The following CELF4 variants were observed in gnomAD, a reference collection of about 807,000 sequenced individuals.
CELF4 encodes the protein CUGBP Elav-like family member 4, also known as CUG-BP- and ETR-3-like factor 4.
Under a neutral mutation model 59.9 loss-of-function variants are expected in CELF4, and 18 were observed. The ratio of observed to expected loss-of-function variants is 0.30; its 90% CI spans 0.21 to 0.45. The LOEUF (loss-of-function observed/expected upper bound fraction) is 0.45. Ranked by LOEUF, CELF4 falls within the 20% of genes least tolerant of loss-of-function variation. The pLI, the probability that CELF4 is intolerant of heterozygous loss-of-function variation, is 1.00. For synonymous variants in CELF4, 261 were observed against 267.1 expected (o/e 0.98, Z 0.22); for missense variants, 456 against 689.0 (o/e 0.66, Z 3.79).
At chr18:37,260,417 C>G (rs1237187050) in intron 10 of CELF4, among the ~76,000 whole-genome samples, 1 of 152,202 alleles carries the variant, frequency 6.6e-6, no homozygotes, top group Non-Finnish European at 1.5e-5. Context: ...GACTTGTGGT[C>G]ATTTCAATGA....
intron 2 of CELF4, among the ~76,000 whole-genome samples, chr18:37,335,780 C>T (rs1326139635): frequency 6.6e-6 from 1 of 152,090 alleles, no homozygotes; most frequent in Non-Finnish European, 1.5e-5. Context: ...TCTCTTCAAC[C>T]TTCACTCCCT....
chr18:37,535,788 A>G (rs1247208173), intron 1 of CELF4, among the ~76,000 whole-genome samples: 1 of 152,070 alleles, frequency 6.6e-6, no homozygotes, highest in Non-Finnish European at 1.5e-5. Flanking sequence ...CACAGTGTGG[A>G]GATCCCTACT....
chr18:37,244,251 A>G lies in CELF4; in HGVS notation c.*991T>C. On this transcript the variant is annotated 3_prime_UTR_variant, in exon 13 of 13. Transcript: ENST00000420428. Reference sequence around the variant, plus strand: ...TTCCTTTTTAAAATTCTGTACAACTATTATGATTTTAAGAGGGGGAAGAGT... The same window carrying G: ...TTCCTTTTTAAAATTCTGTACAACTGTTATGATTTTAAGAGGGGGAAGAGT... 6.7e-6 allele frequency: 1 copy of G among 149,288 alleles called. No individual in the cohort carries two copies. The highest frequency in any genetic ancestry group is 2.5e-5 in the African/African-American group (1 of 40,288). 9.2% of individuals were successfully genotyped at this position (149,288 alleles called of 1,614,324 possible).
At chr18:37,544,662 AGT>A (rs1405583554) in intron 1 of CELF4, among the ~76,000 whole-genome samples, 3 of 152,148 alleles carry the variant, frequency 2.0e-5, no homozygotes, top group Admixed American at 2.0e-4. Context: ...AGAATTTAAG[AGT>A]GTGAGATTGG....
intron 2 of CELF4, among the ~76,000 whole-genome samples, chr18:37,471,228 C>T (rs1401811329): frequency 1.3e-5 from 2 of 152,106 alleles, no homozygotes; most frequent in Non-Finnish European, 2.9e-5. Context: ...GAGGCAGGCT[C>T]TCCACTGGCC....
At chr18:37,338,794 G>GTGTGTGT (rs1557282748) in intron 2 of CELF4, among the ~76,000 whole-genome samples, 22 of 103,690 alleles carry the variant, frequency 2.1e-4, no homozygotes, top group South Asian at 3.5e-4. Context: ...GTGTGTGTGT[G>GTGTGTGT]GTGTGTGTGA....
intron 1 of CELF4, among the ~76,000 whole-genome samples, chr18:37,531,677 G>A (rs1255925949): frequency 1.3e-5 from 2 of 152,228 alleles, no homozygotes; most frequent in Non-Finnish European, 2.9e-5. Flanking sequence ...TTGGAGGTGA[G>A]AAGTTTGGGA....
At chr18:37,521,648 G>A (rs572112007) in intron 1 of CELF4, among the ~76,000 whole-genome samples, 2 of 152,156 alleles carry the variant, frequency 1.3e-5, no homozygotes, top group African/African-American at 2.4e-5. Context: ...GATGCACCAC[G>A]GCCCTCTGAA....
At chr18:37,357,729 C>T (rs2098621573) in intron 2 of CELF4, among the ~76,000 whole-genome samples, 1 of 152,216 alleles carries the variant, frequency 6.6e-6, no homozygotes, top group African/African-American at 2.4e-5. Flanking sequence ...CCTGCAAAGC[C>T]ACAGGGGTGG....
At chr18:37,255,531 C>T (rs958191728) in intron 11 of CELF4, among the ~76,000 whole-genome samples, 2 of 151,016 alleles carry the variant, frequency 1.3e-5, no homozygotes, top group Non-Finnish European at 2.9e-5. Flanking sequence ...CTGATCCATA[C>T]GAGATTCGCC....
At chr18:37,275,499 G>A (rs1002601665) in intron 3 of CELF4, 3 of 500,604 alleles carry the variant, frequency 6.0e-6, no homozygotes, top group African/African-American at 3.9e-5. Context: ...GTGGCAGGCA[G>A]GAGCTGGATC....
intron 2 of CELF4, among the ~76,000 whole-genome samples, chr18:37,361,813 C>T (rs571643677): frequency 4.0e-5 from 6 of 150,786 alleles, no homozygotes; most frequent in African/African-American, 1.5e-4. Flanking sequence ...AGCAACCTGG[C>T]CCATTAGAGC....
chr18:37,304,836 G>A (rs1279602048), intron 3 of CELF4, among the ~76,000 whole-genome samples: 4 of 152,174 alleles, frequency 2.6e-5, no homozygotes, highest in Non-Finnish European at 4.4e-5. Flanking sequence ...GTGGCTCTCC[G>A]CAAAAGGGAG....
At chr18:37,562,170 C>T (rs62081464) in intron 1 of CELF4, among the ~76,000 whole-genome samples, 33,007 of 151,990 alleles carry the variant, frequency 0.22, 3,862 homozygotes, top group South Asian at 0.32. Context: ...TGGGTTTGCT[C>T]CACAACACCC....
Position 37,429,364 on chromosome 18 carries a change from T to A in CELF4, c.369+56161A>T, listed in dbSNP as rs142555937. On this transcript the variant is annotated intron_variant, in intron 2 of 12. Coordinates refer to ENST00000420428, the MANE Select transcript of CELF4 (RefSeq NM_020180.4). ...TGTGCCTCTGTGTGTGCTCTGTATG[T>A]CTGTGTGCATTTTATCTGCCTCTTT... is the stretch of plus-strand genomic sequence containing the variant. 5.3e-5 allele frequency among the ~76,000 whole-genome samples: 8 copies of A among 152,210 alleles called. No individual in the cohort carries two copies. In the East Asian group the frequency reaches 1.5e-3, roughly 29 times the overall value.
At chr18:37,448,813 C>A (rs1000935603) in intron 2 of CELF4, among the ~76,000 whole-genome samples, 3 of 152,188 alleles carry the variant, frequency 2.0e-5, no homozygotes, top group Non-Finnish European at 2.9e-5. Context: ...GGTACTGGGA[C>A]CTTGCTCTTC....
intron 3 of CELF4, among the ~76,000 whole-genome samples, chr18:37,315,337 G>A (rs533559388): frequency 5.3e-5 from 8 of 152,230 alleles, no homozygotes; most frequent in African/African-American, 1.9e-4. Flanking sequence ...GCACGGGCAG[G>A]TGGCAGCCCC....
At chr18:37,446,356 G>A (rs1270459673) in intron 2 of CELF4, among the ~76,000 whole-genome samples, 1 of 152,162 alleles carries the variant, frequency 6.6e-6, no homozygotes, top group Non-Finnish European at 1.5e-5. Context: ...GCCAGGCCTG[G>A]GTGACCAATG....
rs71168258 is a variant in CELF4, at chr18:37,353,233, A to AAAATATATATATATATAT, written c.370-31353_370-31352insATATATATATATATATTT. Among the ~76,000 whole-genome samples the AAAATATATATATATATAT allele has an allele frequency of 5.9e-3, 626 of 106,682 alleles. 4 individuals carry two copies. Among genetic ancestry groups the AAAATATATATATATATAT allele is most frequent in the Non-Finnish European group, 8.4e-3 (459 of 54,742 alleles). 70.0% of individuals were successfully genotyped at this position (106,682 alleles called of 152,430 possible). The stretch of plus-strand genomic sequence containing the variant: ...GAGACTCCGTCTCAAAAAAAAAAAA[A>AAAATATATATATATATAT]ATATATATATATATATACATAAAAG... On this transcript the variant is annotated intron_variant, in intron 2 of 12. Coordinates refer to ENST00000420428, the MANE Select transcript of CELF4 (RefSeq NM_020180.4).
Sources: allele counts gnomAD v4.1 joint callset (sites outside exome capture counted in the v4.1 genomes callset), GRCh38; gene constraint gnomAD v4.1.1; transcripts MANE v1.5; gene names NCBI Gene and HGNC (gene_info 2026-07-23, HGNC 2026-07-21).